CHN2: variants seen among roughly 807,000 people sequenced by gnomAD.
CHN2 encodes chimerin 2.
CHN2 carries 35 observed loss-of-function variants against 56.3 expected under a neutral mutation model. That is an observed-to-expected ratio of 0.62 (90% CI 0.47 to 0.82). The LOEUF is 0.82. Among genes scored for constraint, CHN2 ranks in the 40% least tolerant of loss-of-function variants. CHN2 has a pLI of 0.00. For synonymous variants in CHN2, 210 were observed against 212.8 expected (o/e 0.99, Z 0.12); for missense variants, 491 against 580.5 (o/e 0.85, Z 1.58).
intron 7 of CHN2, among the ~76,000 whole-genome samples, chr7:29,482,701 CA>C (rs1340012994): frequency 6.7e-6 from 1 of 150,020 alleles, no homozygotes. Flanking sequence ...CTACTATGTG[CA>C]TAGCATATAG....
chr7:29,468,892 C>T (rs1222181293), intron 6 of CHN2, among the ~76,000 whole-genome samples: 6 of 152,116 alleles, frequency 3.9e-5, no homozygotes, highest in Admixed American at 1.3e-4. Flanking sequence ...GGGGTCTCTG[C>T]TCTTCTCTAT....
At chr7:29,219,450 A>G (rs1173371100) in intron 1 of CHN2, among the ~76,000 whole-genome samples, 1 of 152,228 alleles carries the variant, frequency 6.6e-6, no homozygotes, top group African/African-American at 2.4e-5. Context: ...AATAGGTGTG[A>G]TAAATGGAAA....
At chr7:29,313,091 C>T (rs1011509204) in intron 1 of CHN2, among the ~76,000 whole-genome samples, 1 of 152,094 alleles carries the variant, frequency 6.6e-6, no homozygotes, top group African/African-American at 2.4e-5. Context: ...CTCTTCCAAA[C>T]ATTGTCAGTA....
intron 1 of CHN2, among the ~76,000 whole-genome samples, chr7:29,340,514 T>C (rs181939461): frequency 6.6e-6 from 1 of 152,270 alleles, no homozygotes; most frequent in African/African-American, 2.4e-5. Flanking sequence ...CTATTAGCCA[T>C]GTGTGCTTGC....
At chr7:29,391,409 G>A (rs1381185037) in intron 3 of CHN2, among the ~76,000 whole-genome samples, 3 of 151,726 alleles carry the variant, frequency 2.0e-5, no homozygotes, top group Non-Finnish European at 4.4e-5. Flanking sequence ...AGAGAGGAAG[G>A]GAGAGAGGGA....
chr7:29,482,981 C>T (rs372916027), intron 7 of CHN2, among the ~76,000 whole-genome samples: 43 of 151,560 alleles, frequency 2.8e-4, no homozygotes, highest in African/African-American at 1.0e-3. Flanking sequence ...GCCAACACAC[C>T]CGGCTAATTT....
chr7:29,294,733 C>G (rs564885636), intron 1 of CHN2, among the ~76,000 whole-genome samples: 1 of 152,242 alleles, frequency 6.6e-6, no homozygotes, highest in Non-Finnish European at 1.5e-5. Flanking sequence ...TTTCCCCACA[C>G]GTGTCAGCAC....
chr7:29,247,668 G>A (rs1360640271), intron 1 of CHN2, among the ~76,000 whole-genome samples: 2 of 152,218 alleles, frequency 1.3e-5, no homozygotes, highest in African/African-American at 2.4e-5. Context: ...TCACCGCCCC[G>A]ATGGTGCCTC....
intron 6 of CHN2, among the ~76,000 whole-genome samples, chr7:29,474,564 A>G (rs903846680): frequency 6.6e-6 from 1 of 152,128 alleles, no homozygotes; most frequent in African/African-American, 2.4e-5. Flanking sequence ...ATTGATTTTC[A>G]TTTCATGCAC....
chr7:29,438,028 T>C (rs1783368932), intron 6 of CHN2, among the ~76,000 whole-genome samples: 1 of 152,174 alleles, frequency 6.6e-6, no homozygotes, highest in East Asian at 1.9e-4. Context: ...TATCTCTTAG[T>C]GTAGTAAAAT....
At chr7:29,416,790 A>G (rs199504231) in intron 6 of CHN2, among the ~76,000 whole-genome samples, 1 of 92,332 alleles carries the variant, frequency 1.1e-5, no homozygotes, top group East Asian at 2.4e-4. Context: ...ATGTGTATGT[A>G]TATGTATATG....
chr7:29,312,395 A>G (rs370165087), intron 1 of CHN2, among the ~76,000 whole-genome samples: 10 of 152,266 alleles, frequency 6.6e-5, no homozygotes, highest in African/African-American at 2.2e-4. Context: ...ATCAAGCACA[A>G]TGTGATTTTC....
At chr7:29,296,892 C>T (rs1793205692) in intron 1 of CHN2, among the ~76,000 whole-genome samples, 1 of 152,188 alleles carries the variant, frequency 6.6e-6, no homozygotes, top group Admixed American at 6.5e-5. Flanking sequence ...CATGCACAAA[C>T]TTACCTCTAT....
chr7:29,252,643 C>T lies in CHN2; in HGVS notation c.49+57653C>T, dbSNP rs1317430789. On this transcript the variant is annotated intron_variant, in intron 1 of 12. Coordinates refer to ENST00000222792, the MANE Select transcript of CHN2 (RefSeq NM_004067.4). ...TCGCTCTGTCGCCCAGGCCAGACTG[C>T]GGACTGCAGTGGCGCAATCTCGGCT... Among the ~76,000 whole-genome samples the T allele has an allele frequency of 1.2e-4, 10 of 83,954 alleles. 1 individual carries two copies. The highest frequency in any genetic ancestry group is 5.6e-4 in the African/African-American group (6 of 10,642). 55.1% of individuals were successfully genotyped at this position (83,954 alleles called of 152,430 possible).
intron 6 of CHN2, among the ~76,000 whole-genome samples, chr7:29,466,443 C>G (rs185632732): frequency 1.3e-5 from 2 of 152,074 alleles, no homozygotes; most frequent in African/African-American, 4.8e-5. Flanking sequence ...AGTATTTTTA[C>G]TTTAAAACTT....
At chr7:29,459,902 G>A (rs988640365) in intron 6 of CHN2, among the ~76,000 whole-genome samples, 1 of 152,214 alleles carries the variant, frequency 6.6e-6, no homozygotes, top group African/African-American at 2.4e-5. Flanking sequence ...AAGAGGAGCA[G>A]GACGGGGAGG....
chr7:29,245,567 A>C (rs1326367022), intron 1 of CHN2, among the ~76,000 whole-genome samples: 1 of 152,226 alleles, frequency 6.6e-6, no homozygotes, highest in Non-Finnish European at 1.5e-5. Flanking sequence ...CTTTACGTGC[A>C]TTATGCATTC....
chr7:29,373,343 AT>A (rs963226132), intron 3 of CHN2, among the ~76,000 whole-genome samples: 10 of 148,608 alleles, frequency 6.7e-5, no homozygotes, highest in South Asian at 2.1e-4. Context: ...CACCTGGCTC[AT>A]TTTTTTTTTA....
At chr7:29,471,848 A>G (rs1247233016) in intron 6 of CHN2, among the ~76,000 whole-genome samples, 2 of 152,254 alleles carry the variant, frequency 1.3e-5, no homozygotes, top group East Asian at 3.9e-4. Context: ...GAACTAGCCC[A>G]ATTGCAGGAA....
Sources: gnomAD v4.1 joint callset for allele counts (sites outside exome capture counted in the v4.1 genomes callset) on GRCh38, gnomAD v4.1.1 for gene constraint, MANE v1.5 for transcripts, NCBI Gene and HGNC (gene_info 2026-07-23, HGNC 2026-07-21) for gene names.